Variants in ST7 observed in about 807,000 individuals in gnomAD.
ST7 encodes suppression of tumorigenicity 7, also known as suppressor of tumorigenicity 7 protein.
In ST7, 28 loss-of-function variants were observed where a neutral mutation model predicts 78.7. The observed-to-expected ratio is 0.36, with a 90% CI of 0.26 to 0.49. The LOEUF (loss-of-function observed/expected upper bound fraction) is 0.49. Ranked by LOEUF, ST7 falls within the 20% of genes least tolerant of loss-of-function variation. The pLI is 0.99. For missense variants in ST7, 418 were observed against 696.0 expected, an observed-to-expected ratio of 0.60 and a Z score of 4.49; for synonymous variants, 247 against 249.6, an observed-to-expected ratio of 0.99 and a Z score of 0.10.
intron 12 of ST7, among the ~76,000 whole-genome samples, chr7:117,193,795 G>A (rs1435010922): frequency 6.6e-6 from 1 of 152,176 alleles, no homozygotes; most frequent in Non-Finnish European, 1.5e-5. Flanking sequence ...TCTACATGCT[G>A]TATTGCATAA....
At chr7:116,990,972 A>G (rs972283007) in intron 1 of ST7, among the ~76,000 whole-genome samples, 11 of 152,248 alleles carry the variant, frequency 7.2e-5, no homozygotes, top group Non-Finnish European at 1.3e-4. Context: ...GTCCCAGATC[A>G]AGAAACAGAA....
chr7:117,067,975 A>G (rs1329702729), intron 1 of ST7, among the ~76,000 whole-genome samples: 3 of 151,840 alleles, frequency 2.0e-5, no homozygotes, highest in Non-Finnish European at 4.4e-5. Context: ...AGCTCCTGTT[A>G]TTTTCTATTT....
At position 117,055,682 on chromosome 7, in the gene ST7, G is replaced by C. The variant is rs199662747; in HGVS notation, c.152-44080G>C. 2.0e-5 allele frequency among the ~76,000 whole-genome samples: 3 copies of C among 152,206 alleles called. No homozygotes were observed. The East Asian group carries it at 5.8e-4, about 29-fold the overall frequency. ...AATTTATTTATCTGATAAAATATTA[G>C]GTGCTTTTGGTGTTCATATTTGGGT... is the stretch of plus-strand genomic sequence containing the variant. On this transcript the variant is annotated intron_variant, in intron 1 of 15. Transcript: ENST00000323984.
At chr7:116,988,131 C>T (rs1244062815) in intron 1 of ST7, among the ~76,000 whole-genome samples, 1 of 152,144 alleles carries the variant, frequency 6.6e-6, no homozygotes, top group African/African-American at 2.4e-5. Context: ...TAAATTAACC[C>T]CTATTATGAC....
chr7:117,140,105 G>T (rs1043734010), intron 9 of ST7, among the ~76,000 whole-genome samples: 11 of 152,084 alleles, frequency 7.2e-5, no homozygotes, highest in African/African-American at 2.2e-4. Context: ...TTAATTTCAG[G>T]TTTTTTCTGT....
chr7:117,172,176 C>A (rs1403581699), intron 10 of ST7, among the ~76,000 whole-genome samples: 1 of 152,146 alleles, frequency 6.6e-6, no homozygotes, highest in African/African-American at 2.4e-5. Flanking sequence ...TGGTCTCAAA[C>A]TCCTGTGAAC....
chr7:117,220,846 G>A (rs1018768772), intron 14 of ST7, among the ~76,000 whole-genome samples: 4 of 152,278 alleles, frequency 2.6e-5, no homozygotes, highest in East Asian at 3.9e-4. Context: ...AGGCATATTC[G>A]TCTGCATGGA....
At chr7:117,100,092 A>G (rs1347858113) in intron 2 of ST7, among the ~76,000 whole-genome samples, 1 of 152,208 alleles carries the variant, frequency 6.6e-6, no homozygotes, top group Non-Finnish European at 1.5e-5. Flanking sequence ...TGTAAATGAA[A>G]TGGAAAATAA....
At chr7:117,019,438 C>A (rs921906121) in intron 1 of ST7, among the ~76,000 whole-genome samples, 3 of 151,886 alleles carry the variant, frequency 2.0e-5, no homozygotes, top group African/African-American at 4.8e-5. Context: ...GTGGGTAGAT[C>A]AAAAAGAAAT....
chr7:116,994,502 AATC>A (rs1562999268), intron 1 of ST7, among the ~76,000 whole-genome samples: 1 of 152,230 alleles, frequency 6.6e-6, no homozygotes, highest in Non-Finnish European at 1.5e-5. Context: ...TAAATAATAG[AATC>A]ATTGACTAAG....
intron 1 of ST7, among the ~76,000 whole-genome samples, chr7:116,981,968 A>G (rs1793979501): frequency 1.3e-5 from 2 of 152,154 alleles, no homozygotes; most frequent in South Asian, 4.1e-4. Context: ...TTTCAGTTCC[A>G]TTTTAATCTT....
intron 9 of ST7, among the ~76,000 whole-genome samples, chr7:117,155,733 T>C (rs978438412): frequency 2.0e-5 from 3 of 152,214 alleles, no homozygotes; most frequent in African/African-American, 7.2e-5. Context: ...ATTGAAAGCA[T>C]ATGTAAGATA....
At chr7:116,961,241 C>T (rs1010647019) in intron 1 of ST7, among the ~76,000 whole-genome samples, 3 of 152,172 alleles carry the variant, frequency 2.0e-5, no homozygotes, top group South Asian at 2.1e-4. Flanking sequence ...AGATGAGTAG[C>T]GAGTAGCATG....
intron 1 of ST7, among the ~76,000 whole-genome samples, chr7:117,091,203 G>A (rs1467496752): frequency 6.6e-6 from 1 of 152,062 alleles, no homozygotes; most frequent in African/African-American, 2.4e-5. Context: ...ATTTATCAAG[G>A]GGATTGTGAT....
At chr7:117,197,225 C>T (rs1444674606) in intron 12 of ST7, among the ~76,000 whole-genome samples, 1 of 152,108 alleles carries the variant, frequency 6.6e-6, no homozygotes. Context: ...TTAATAGAGA[C>T]GAAGTCTCTG....
intron 1 of ST7, among the ~76,000 whole-genome samples, chr7:116,957,685 T>C (rs920956548): frequency 2.0e-5 from 3 of 152,234 alleles, no homozygotes; most frequent in African/African-American, 7.2e-5. Flanking sequence ...AGAAAATTAA[T>C]TGTAGATTGG....
chr7:117,099,743 T>C lies in ST7; in HGVS notation c.152-19T>C. 6.2e-7 allele frequency: 1 copy of C among 1,601,074 alleles called. No individual in the cohort carries two copies. The highest frequency in any genetic ancestry group is 8.5e-7 in the Non-Finnish European group (1 of 1,171,836). On this transcript the variant is annotated intron_variant, in intron 1 of 15. Coordinates refer to ENST00000323984, the MANE Select transcript of ST7 (RefSeq NM_001369598.1). ...TACATTCCTTGTTCTTCTCCCTTTC[T>C]CTCTCTTTTCTTTTTCAGTGAGCAT...
At chr7:117,102,064 T>G (rs2116818710) in intron 2 of ST7, among the ~76,000 whole-genome samples, 1 of 152,358 alleles carries the variant, frequency 6.6e-6, no homozygotes, top group African/African-American at 2.4e-5. Flanking sequence ...AGAAAGTGGC[T>G]CCATAAAGCT....
At chr7:117,074,397 G>T (rs1003587345) in intron 1 of ST7, among the ~76,000 whole-genome samples, 3 of 152,022 alleles carry the variant, frequency 2.0e-5, no homozygotes, top group Admixed American at 2.0e-4. Context: ...TCTCAAAAAC[G>T]AAAAACAAAA....
Sources: allele counts gnomAD v4.1 joint callset (sites outside exome capture counted in the v4.1 genomes callset), GRCh38; gene constraint gnomAD v4.1.1; transcripts MANE v1.5; gene names NCBI Gene and HGNC (gene_info 2026-07-23, HGNC 2026-07-21).